Variants in NEGR1 observed in about 807,000 individuals in gnomAD.
The protein encoded by NEGR1 is IgLON family member 4.
NEGR1 carries 10 observed loss-of-function variants against 40.9 expected under a neutral mutation model. The ratio of observed to expected loss-of-function variants is 0.24; its 90% CI spans 0.15 to 0.42. The LOEUF (loss-of-function observed/expected upper bound fraction) is 0.42, where lower values mean the gene tolerates loss of function less well. NEGR1 is among the 10% of genes least tolerant of loss of function. NEGR1 has a pLI of 1.00. For missense variants in NEGR1, 352 were observed against 438.9 expected, an observed-to-expected ratio of 0.80 and a Z score of 1.77; for synonymous variants, 185 against 166.8, an observed-to-expected ratio of 1.11 and a Z score of -0.84.
intron 1 of NEGR1, among the ~76,000 whole-genome samples, chr1:71,963,434 C>T (rs1646184843): frequency 6.6e-6 from 1 of 152,138 alleles, no homozygotes; most frequent in South Asian, 2.1e-4. Context: ...TATTTCTCCT[C>T]TAATACAACG....
chr1:71,411,375 C>T (rs1646319831), intron 6 of NEGR1, among the ~76,000 whole-genome samples: 2 of 152,032 alleles, frequency 1.3e-5, no homozygotes, highest in African/African-American at 4.8e-5. Flanking sequence ...TAACATCATA[C>T]TCTTGCCACA....
At chr1:71,418,744 A>C (rs1646373385) in intron 6 of NEGR1, among the ~76,000 whole-genome samples, 1 of 152,000 alleles carries the variant, frequency 6.6e-6, no homozygotes, top group Admixed American at 6.5e-5. Context: ...CATTCTCTCA[A>C]GGCCTTGCTT....
At chr1:72,043,610 T>C (rs2100461469) in intron 1 of NEGR1, among the ~76,000 whole-genome samples, 1 of 152,074 alleles carries the variant, frequency 6.6e-6, no homozygotes, top group Non-Finnish European at 1.5e-5. Context: ...ATGAACTGTA[T>C]ATTCCATAAT....
At chr1:71,714,905 G>T (rs1654223150) in intron 3 of NEGR1, among the ~76,000 whole-genome samples, 1 of 152,186 alleles carries the variant, frequency 6.6e-6, no homozygotes, top group Non-Finnish European at 1.5e-5. Context: ...TCTTCCAACA[G>T]CTACATTAGG....
At chr1:72,036,732 T>C (rs544836515) in intron 1 of NEGR1, among the ~76,000 whole-genome samples, 1 of 151,848 alleles carries the variant, frequency 6.6e-6, no homozygotes, top group Non-Finnish European at 1.5e-5. Flanking sequence ...AAACATCTAT[T>C]ATATATTAAG....
At chr1:71,457,744 C>T (rs1209343598) in intron 6 of NEGR1, among the ~76,000 whole-genome samples, 1 of 152,070 alleles carries the variant, frequency 6.6e-6, no homozygotes, top group Non-Finnish European at 1.5e-5. Context: ...CTTGCTCTGT[C>T]GCCCAGGCTG....
At chr1:71,499,334 T>C (rs528134453) in intron 6 of NEGR1, among the ~76,000 whole-genome samples, 60 of 151,692 alleles carry the variant, frequency 4.0e-4, no homozygotes, top group African/African-American at 1.4e-3. Flanking sequence ...TCTTGGCAGT[T>C]TACAATCACC....
intron 6 of NEGR1, among the ~76,000 whole-genome samples, chr1:71,496,151 G>C (rs1019261897): frequency 6.6e-6 from 1 of 151,956 alleles, no homozygotes; most frequent in Admixed American, 6.6e-5. Context: ...TGGTGACCCT[G>C]TCAAGTTTAA....
At chr1:71,857,582 A>T (rs1299974711) in intron 2 of NEGR1, among the ~76,000 whole-genome samples, 5 of 142,078 alleles carry the variant, frequency 3.5e-5, no homozygotes, top group Non-Finnish European at 6.0e-5. Context: ...AGCCAAGATC[A>T]CGCCACTGCA....
intron 6 of NEGR1, among the ~76,000 whole-genome samples, chr1:71,412,200 C>T (rs1278100816): frequency 6.6e-6 from 1 of 152,136 alleles, no homozygotes; most frequent in Non-Finnish European, 1.5e-5. Flanking sequence ...CTTCTTCACT[C>T]TAGTCATACA....
At chr1:72,184,626 A>G (rs1652547465) in intron 1 of NEGR1, among the ~76,000 whole-genome samples, 1 of 152,008 alleles carries the variant, frequency 6.6e-6, no homozygotes, top group South Asian at 2.1e-4. Flanking sequence ...GTTGTGTACA[A>G]TTCACTCAAA....
At chr1:71,938,091 G>T (rs889949651) in intron 1 of NEGR1, among the ~76,000 whole-genome samples, 2 of 151,806 alleles carry the variant, frequency 1.3e-5, no homozygotes, top group African/African-American at 4.8e-5. Context: ...CCAACTCAAA[G>T]TTTTTTAAGA....
intron 1 of NEGR1, among the ~76,000 whole-genome samples, chr1:72,168,280 A>C (rs1016433749): frequency 6.6e-6 from 1 of 152,116 alleles, no homozygotes; most frequent in Non-Finnish European, 1.5e-5. Context: ...CTGGGATTAT[A>C]GGCATGAACC....
rs75809321 is a variant in NEGR1 at position 72,086,133 on chromosome 1, A to G, written c.177-150822T>C. ...CTACAAAAATAGTGTATGATTATCAACCATATGATATTTATAGCAATTTCG... is the reference window on the plus strand; with the variant it reads ...CTACAAAAATAGTGTATGATTATCAGCCATATGATATTTATAGCAATTTCG... On this transcript the variant is annotated intron_variant, in intron 1 of 6. Transcript: ENST00000357731. 7.9e-4 allele frequency among the ~76,000 whole-genome samples: 121 copies of G among 152,294 alleles called. 1 individual carries two copies. The highest frequency in any genetic ancestry group is 2.8e-3 in the African/African-American group (115 of 41,546).
chr1:72,243,234 T>A (rs2100517548), intron 1 of NEGR1, among the ~76,000 whole-genome samples: 1 of 151,890 alleles, frequency 6.6e-6, no homozygotes, highest in South Asian at 2.1e-4. Context: ...TTAAAATCAC[T>A]GAATGTGTTC....
intron 1 of NEGR1, among the ~76,000 whole-genome samples, chr1:72,269,185 T>G (rs2100555626): frequency 6.6e-6 from 1 of 151,770 alleles, no homozygotes; most frequent in African/African-American, 2.4e-5. Context: ...GCAATTAAAC[T>G]TAAGACTCTA....
chr1:71,962,193 A>G (rs935131553), intron 1 of NEGR1, among the ~76,000 whole-genome samples: 2 of 152,124 alleles, frequency 1.3e-5, no homozygotes, highest in African/African-American at 4.8e-5. Context: ...CAAGAGTCCA[A>G]TGTGCACTTG....
chr1:71,547,483 TCA>T (rs1333645525), intron 6 of NEGR1, among the ~76,000 whole-genome samples: 4 of 151,822 alleles, frequency 2.6e-5, no homozygotes, highest in Non-Finnish European at 5.9e-5. Context: ...AAACCTGGAC[TCA>T]CAACATTGCA....
At chr1:71,912,830 CATGTATAT>C (rs1228164080) in intron 2 of NEGR1, among the ~76,000 whole-genome samples, 4 of 152,042 alleles carry the variant, frequency 2.6e-5, no homozygotes, top group African/African-American at 9.6e-5. Flanking sequence ...ATATATAGTA[CATGTATAT>C]ATGTATTTAT....
Sources: allele counts gnomAD v4.1 joint callset (sites outside exome capture counted in the v4.1 genomes callset), GRCh38; gene constraint gnomAD v4.1.1; transcripts MANE v1.5; gene names NCBI Gene and HGNC (gene_info 2026-07-23, HGNC 2026-07-21).